Variants in XKR7 observed in about 807,000 individuals in gnomAD.
XKR7 encodes the protein XK related 7, also known as XK-related protein 7.
A neutral mutation model predicts 42.2 loss-of-function variants in XKR7; 11 were observed. The observed-to-expected ratio is 0.26, with a 90% CI of 0.16 to 0.43. XKR7 has a LOEUF of 0.43. Among genes scored for constraint, XKR7 ranks in the 20% least tolerant of loss-of-function variants. The probability of loss-of-function intolerance (pLI) is 1.00; values close to 1 mark genes in which losing one functional copy is unlikely to be tolerated. For synonymous variants in XKR7, 346 were observed against 366.4 expected (o/e 0.94, Z 0.64); for missense variants, 710 against 802.2 (o/e 0.89, Z 1.39).
At chr20:31,975,265 G>A (rs1367491352) in intron 1 of XKR7, among the ~76,000 whole-genome samples, 1 of 151,954 alleles carries the variant, frequency 6.6e-6, no homozygotes, top group East Asian at 1.9e-4. Flanking sequence ...CAGGCAGAGC[G>A]ATGGCTCCCC....
intron 1 of XKR7, among the ~76,000 whole-genome samples, chr20:31,987,769 G>A (rs975680037): frequency 1.1e-4 from 17 of 152,230 alleles, no homozygotes; most frequent in Non-Finnish European, 1.2e-4. Flanking sequence ...GCATCCAGGG[G>A]ACAGAGACTG....
intron 1 of XKR7, among the ~76,000 whole-genome samples, chr20:31,981,950 C>T (rs141246312): frequency 1.2e-4 from 18 of 152,298 alleles, no homozygotes. Flanking sequence ...CAGTAGTCAC[C>T]TCCTCTAGAA....
At position 31,997,142 on chromosome 20, in the gene XKR7, C is replaced by T; in HGVS notation, c.1425C>T (p.Ser475=). Residue 475 remains serine, a synonymous_variant, in exon 3 of 3, where the codon TCC becomes TCT. Coordinates refer to ENST00000562532, the MANE Select transcript of XKR7 (RefSeq NM_001011718.2). The stretch of plus-strand genomic sequence containing the variant: ...ACGCCATCACGAGTCCCCCCAGGTC[C>T]CTGCCAAGGACTACAGGTGCTGAGC... The part of the protein sequence containing the change: ...PADAITSPPR[S]LPRTTGAERD... 4 of 1,612,132 alleles carry T rather than the reference C, an allele frequency of 2.5e-6. No homozygotes were observed. In the South Asian group the frequency reaches 3.3e-5, roughly 13 times the overall value.
chr20:32,001,220 G>A lies in XKR7; in HGVS notation c.*3763G>A, dbSNP rs6121306. On this transcript the variant is annotated 3_prime_UTR_variant, in exon 3 of 3. Transcript: ENST00000562532. ...CAATAGGGAGAAGGTTTTCTGGGACGAAGGCTGCATGGGATGCAAACTCAA... is the reference window on the plus strand; with the variant it reads ...CAATAGGGAGAAGGTTTTCTGGGACAAAGGCTGCATGGGATGCAAACTCAA... 35,952 of 152,100 alleles carry A rather than the reference G, an allele frequency of 0.24. 4,921 individuals are homozygous for A. Among genetic ancestry groups the A allele is most frequent in the African/African-American group, 0.37 (15,401 of 41,468 alleles). The allele number at this position is 152,100 out of a possible 1,614,324, so 9.4% of individuals were successfully genotyped here. A position where few individuals can be genotyped will look rare whatever the true frequency, so the allele number is the denominator to read the frequency against.
chr20:31,994,435 G>A (rs943072373), intron 1 of XKR7, among the ~76,000 whole-genome samples: 13 of 152,150 alleles, frequency 8.5e-5, no homozygotes, highest in Admixed American at 2.6e-4. Flanking sequence ...GAATTGGGCC[G>A]TGTGCGGTGG....
At position 31,968,494 on chromosome 20, in the gene XKR7, C is replaced by A. The variant is rs748184323; in HGVS notation, c.319C>A (p.Leu107Met). The A allele has an allele frequency of 6.8e-6, 11 of 1,613,680 alleles. No individual in the cohort carries two copies. The highest frequency in any genetic ancestry group is 7.6e-6 in the Non-Finnish European group (9 of 1,179,800). Residue 107 changes from leucine (L) to methionine (M), a missense_variant, in exon 1 of 3, where the codon CTG becomes ATG. This residue lies in a region of XKR7 where 708 missense variants were observed against 786.2 expected (regional missense o/e 0.90). Coordinates refer to ENST00000562532, the MANE Select transcript of XKR7 (RefSeq NM_001011718.2). The surrounding 1 kb of genome is among the most constrained non-coding windows in gnomAD (Gnocchi z 4.5). ...VLLPSLVVQL[L>M]SFRWFVYDYS... is the part of the protein sequence containing the mutation. ...CCTGCCCTCGCTGGTCGTGCAGTTA[C>A]TGAGCTTCCGCTGGTTCGTCTACGA...
intron 1 of XKR7, among the ~76,000 whole-genome samples, chr20:31,983,249 A>C (rs2064521830): frequency 6.6e-6 from 1 of 152,240 alleles, no homozygotes; most frequent in Non-Finnish European, 1.5e-5. Flanking sequence ...CCCCACTCTC[A>C]TGGAGCCTGC....
In XKR7 at chr20:32,000,113, G is replaced by T. The variant is rs2064617117; in HGVS notation, c.*2656G>T. The T allele has an allele frequency of 6.6e-6, 1 of 152,278 alleles. No homozygotes were observed. Among genetic ancestry groups the T allele is most frequent in the African/African-American group, 2.4e-5 (1 of 41,422 alleles). The allele number at this position is 152,278 out of a possible 1,614,324, so 9.4% of individuals were successfully genotyped here. A position where few individuals can be genotyped will look rare whatever the true frequency, so the allele number is the denominator to read the frequency against. The stretch of plus-strand genomic sequence containing the variant: ...AAAGGGCCCAGGGAGAGGGCTGCAG[G>T]CACCTCCTCCTGCTTCTCACCCTCA... On this transcript the variant is annotated 3_prime_UTR_variant, in exon 3 of 3. Transcript: ENST00000562532.
intron 1 of XKR7, among the ~76,000 whole-genome samples, chr20:31,989,560 G>A (rs1436689808): frequency 6.6e-6 from 1 of 152,184 alleles, no homozygotes; most frequent in African/African-American, 2.4e-5. Context: ...GGTCACCCAG[G>A]CAAGATGACT....
rs1185379589 is a variant in XKR7 at position 31,968,549 on chromosome 20, C to A, written c.374C>A (p.Pro125His). The A allele has an allele frequency of 1.2e-6, 2 of 1,610,324 alleles. No homozygotes were observed. Residue 125 changes from proline (P) to histidine (H), a missense_variant, in exon 1 of 3, where the codon CCC (proline) becomes CAC (histidine). By Grantham distance (77) the Pro-to-His change is moderately conservative. Coordinates refer to ENST00000562532, the MANE Select transcript of XKR7 (RefSeq NM_001011718.2). This position sits in a 1 kb window ranked among gnomAD's most constrained non-coding sequence, Gnocchi z 4.5. ...TCGGAGCCCGCAGGGTCCCCGGGACCCGCCGTCAGCACCAAGGACAGCGTA... is the reference window on the plus strand; with the variant it reads ...TCGGAGCCCGCAGGGTCCCCGGGACACGCCGTCAGCACCAAGGACAGCGTA... Reference protein sequence around the residue: ...DYSEPAGSPGPAVSTKDSVAG... With the variant: ...DYSEPAGSPGHAVSTKDSVAG...
Position 31,997,208 on chromosome 20 carries a change from C to G in XKR7, c.1491C>G (p.Thr497=). The change falls in exon 3 of 3, where the codon ACC becomes ACG. Residue 497 remains threonine (T), a synonymous_variant. Coordinates refer to ENST00000562532, the MANE Select transcript of XKR7 (RefSeq NM_001011718.2). The part of the protein sequence containing the change: ...ASAGERAGTP[T]PPVFQVRPGL... ...CGGGAGAGCGTGCAGGGACCCCCAC[C>G]CCACCTGTCTTCCAGGTGCGGCCTG... is the stretch of plus-strand genomic sequence containing the variant. The G allele has an allele frequency of 6.2e-7, 1 of 1,610,594 alleles. No individual in the cohort carries two copies. The highest frequency in any genetic ancestry group is 1.1e-5 in the South Asian group (1 of 91,060).
At chr20:31,994,401 TCA>T (rs1439399176) in intron 1 of XKR7, among the ~76,000 whole-genome samples, 6 of 152,172 alleles carry the variant, frequency 3.9e-5, no homozygotes, top group Admixed American at 1.3e-4. Flanking sequence ...TCTCTGGGTC[TCA>T]GTTTGCTCAC....
At chr20:31,991,457 A>G (rs1007375262) in intron 1 of XKR7, among the ~76,000 whole-genome samples, 1 of 149,432 alleles carries the variant, frequency 6.7e-6, no homozygotes, top group Non-Finnish European at 1.5e-5. Flanking sequence ...CCTGTATCCC[A>G]TGCCTTAGCT....
chr20:31,995,331 T>C lies in XKR7; in HGVS notation c.787+61T>C. The C allele has an allele frequency of 1.3e-6, 2 of 1,530,204 alleles. No individual in the cohort carries two copies. Among genetic ancestry groups the C allele is most frequent in the Admixed American group, 4.0e-5 (2 of 50,382 alleles). The allele number at this position is 1,530,204 out of a possible 1,614,324, so 94.8% of individuals were successfully genotyped here. A position where few individuals can be genotyped will look rare whatever the true frequency, so the allele number is the denominator to read the frequency against. ...ACCCCACCGGGCCTTTCTCCCTGCT[T>C]CAGGCTCCCTGGGGATGCCCTGTGG... On this transcript the variant is annotated intron_variant, in intron 2 of 2. Coordinates refer to ENST00000562532, the MANE Select transcript of XKR7 (RefSeq NM_001011718.2). This position sits in a 1 kb window ranked among gnomAD's most constrained non-coding sequence, Gnocchi z 4.1.
chr20:31,993,862 C>T (rs920032267), intron 1 of XKR7, among the ~76,000 whole-genome samples: 2 of 152,014 alleles, frequency 1.3e-5, no homozygotes, highest in Non-Finnish European at 2.9e-5. Context: ...AAAAGCTGAG[C>T]CTTGGAAGAA....
At chr20:31,985,452 C>G (rs1460995808) in intron 1 of XKR7, among the ~76,000 whole-genome samples, 1 of 151,776 alleles carries the variant, frequency 6.6e-6, no homozygotes, top group Non-Finnish European at 1.5e-5. Flanking sequence ...GAGGAGCAGG[C>G]AGGGGAGGAT....
intron 1 of XKR7, among the ~76,000 whole-genome samples, chr20:31,980,131 G>GA (rs397968046): frequency 0.46 from 44,080 of 95,294 alleles, 9,761 homozygotes; most frequent in African/African-American, 0.63. Context: ...CTTTAGCCCA[G>GA]AAAAAAAAAA....
chr20:31,993,841 A>G (rs1018460472), intron 1 of XKR7, among the ~76,000 whole-genome samples: 8 of 152,160 alleles, frequency 5.3e-5, no homozygotes, highest in African/African-American at 1.9e-4. Context: ...TTTATGGACA[A>G]AATTGTGTTC....
chr20:31,993,537 G>A (rs531360470), intron 1 of XKR7, among the ~76,000 whole-genome samples: 5 of 152,132 alleles, frequency 3.3e-5, no homozygotes, highest in Non-Finnish European at 5.9e-5. Flanking sequence ...CCCCTATAGG[G>A]TTACTAGAGT....
Sources: allele counts gnomAD v4.1 joint callset (sites outside exome capture counted in the v4.1 genomes callset), GRCh38; gene constraint gnomAD v4.1.1; regional missense constraint gnomAD v4.1.1; non-coding constraint Gnocchi (gnomAD v3.1); transcripts MANE v1.5; gene names NCBI Gene and HGNC (gene_info 2026-07-23, HGNC 2026-07-21).